Variants in GPC3 observed in about 807,000 individuals in gnomAD.
GPC3 encodes the protein glypican-3.
Under a neutral mutation model 34.4 loss-of-function variants are expected in GPC3, and 3 were observed. That is an observed-to-expected ratio of 0.09 (90% CI 0.04 to 0.23). The LOEUF (loss-of-function observed/expected upper bound fraction) is 0.23, where lower values mean the gene tolerates loss of function less well. Ranked by LOEUF, GPC3 falls within the 10% of genes least tolerant of loss-of-function variation. The pLI, the probability that GPC3 is intolerant of heterozygous loss-of-function variation, is 1.00. For synonymous variants in GPC3, 177 were observed against 174.0 expected (o/e 1.02, Z -0.13); for missense variants, 351 against 445.6 (o/e 0.79, Z 1.91).
intron 6 of GPC3, among the ~76,000 whole-genome samples, chrX:133,642,772 C>CAAAAAAAAAAAA (rs375514321): frequency 3.9e-5 from 1 of 25,635 alleles, no homozygotes; most frequent in Non-Finnish European, 1.0e-4. Flanking sequence ...AACTACGTCT[C>CAAAAAAAAAAAA]AAAAAAAAAA....
At position 133,819,298 on chromosome X, in the gene GPC3, G is replaced by C. The variant is rs367669519; in HGVS notation, c.338-65122C>G. On this transcript the variant is annotated intron_variant, in intron 2 of 7. Transcript: ENST00000370818. ...GCGTCAGGGGCTTCTCATTAAACTA[G>C]ACTCCCATTCTACTTGCATACTTCC... is the stretch of plus-strand genomic sequence containing the variant. 4.9e-4 allele frequency among the ~76,000 whole-genome samples: 52 copies of C among 106,337 alleles called. 1 individual carries two copies. The South Asian group carries it at 0.012, about 25-fold the overall frequency. 92.3% of individuals were successfully genotyped at this position (106,337 alleles called of 115,157 possible). A position where few individuals can be genotyped will look rare whatever the true frequency, so the allele number is the denominator to read the frequency against.
intron 7 of GPC3, among the ~76,000 whole-genome samples, chrX:133,542,977 AG>A (rs1361109404): frequency 8.9e-6 from 1 of 112,116 alleles, no homozygotes; most frequent in African/African-American, 3.2e-5. Context: ...TTAAAGCAGA[AG>A]AAAATGACTT....
intron 2 of GPC3, among the ~76,000 whole-genome samples, chrX:133,912,511 G>GTT (rs34078487): frequency 9.3e-5 from 9 of 96,533 alleles, no homozygotes; most frequent in Admixed American, 3.4e-4. Context: ...AAGGAATTGG[G>GTT]TTTTTTTTTT....
At chrX:133,856,285 C>T (rs1204240062) in intron 2 of GPC3, among the ~76,000 whole-genome samples, 1 of 111,262 alleles carries the variant, frequency 9.0e-6, no homozygotes, top group East Asian at 2.8e-4. Flanking sequence ...CACTTGTTAT[C>T]TCTTGTCTTT....
chrX:133,860,276 C>T, intron 2 of GPC3, among the ~76,000 whole-genome samples: 1 of 111,409 alleles, frequency 9.0e-6, no homozygotes, highest in African/African-American at 3.3e-5. Flanking sequence ...TTATTAGTAC[C>T]GTTTTTTTCC....
chrX:133,754,118 G>T lies in GPC3; in HGVS notation c.396C>A (p.Asn132Lys), dbSNP rs2124480866. ...AKNYTNAMFK[N>K]NYPSLTPQAF... ...CTTGTGGAGTCAGGCTTGGGTAGTT[G>T]TTCTTGAACATGGCATTGGTGTAGT... The change falls in exon 3 of 8, where the codon AAC (asparagine) becomes AAA (lysine). Residue 132 changes from asparagine to lysine, a missense_variant. Transcript: ENST00000370818. The T allele has an allele frequency of 8.3e-7, 1 of 1,205,896 alleles. No homozygotes were observed. Among genetic ancestry groups the T allele is most frequent in the Non-Finnish European group, 1.1e-6 (1 of 892,827 alleles).
chrX:133,654,324 C>T (rs2070630220), intron 6 of GPC3, among the ~76,000 whole-genome samples: 1 of 111,566 alleles, frequency 9.0e-6, no homozygotes, highest in South Asian at 3.7e-4. Flanking sequence ...TATTTGAATA[C>T]ACACACACAT....
At position 133,753,473 on chromosome X, in the gene GPC3, G is replaced by A. The variant is rs200782847; in HGVS notation, c.1032+9C>T. 787 of 1,181,505 alleles carry A rather than the reference G, an allele frequency of 6.7e-4. 3 individuals are homozygous for A. Among genetic ancestry groups the A allele is most frequent in the Admixed American group, 9.0e-4 (41 of 45,608 alleles). On this transcript the variant is annotated intron_variant, in intron 3 of 7. Transcript: ENST00000370818. ...CCAAATCCTCTGACAACTGTAGACTGGTACTCACAGTGGTGGTCAGCTTTC... is the reference window on the plus strand; with the variant it reads ...CCAAATCCTCTGACAACTGTAGACTAGTACTCACAGTGGTGGTCAGCTTTC...
At chrX:133,854,227 C>A (rs1242726361) in intron 2 of GPC3, among the ~76,000 whole-genome samples, 2 of 111,465 alleles carry the variant, frequency 1.8e-5, no homozygotes, top group East Asian at 5.6e-4. Flanking sequence ...ATGGAAAGAT[C>A]TGTTTCTTCA....
intron 6 of GPC3, among the ~76,000 whole-genome samples, chrX:133,629,781 G>A (rs1393020411): frequency 3.6e-5 from 4 of 110,338 alleles, no homozygotes; most frequent in Non-Finnish European, 3.8e-5. Flanking sequence ...TTGGCCGGGC[G>A]CAGTGGCTCA....
rs749199727 is a variant in GPC3 at position 133,969,055 on chromosome X, G to A, written c.176-15844C>T. ...CTAATATATTTTTAAGTGTGTTTTTGCAACTGTGAGGAGACCAAGGCTCTA... is the reference window on the plus strand; with the variant it reads ...CTAATATATTTTTAAGTGTGTTTTTACAACTGTGAGGAGACCAAGGCTCTA... On this transcript the variant is annotated intron_variant, in intron 1 of 7. Coordinates refer to ENST00000370818, the MANE Select transcript of GPC3 (RefSeq NM_004484.4). 2.3e-4 allele frequency among the ~76,000 whole-genome samples: 25 copies of A among 109,891 alleles called. No individual in the cohort carries two copies. In the South Asian group the frequency reaches 9.8e-3, roughly 43 times the overall value.
At chrX:133,786,510 C>T (rs1354604315) in intron 2 of GPC3, among the ~76,000 whole-genome samples, 1 of 112,757 alleles carries the variant, frequency 8.9e-6, no homozygotes. Context: ...TCCGACCTGC[C>T]CCACAAGTGT....
At chrX:133,693,047 T>C (rs1254151425) in intron 4 of GPC3, among the ~76,000 whole-genome samples, 1 of 111,505 alleles carries the variant, frequency 9.0e-6, no homozygotes, top group Non-Finnish European at 1.9e-5. Flanking sequence ...GGTTTCTTTG[T>C]TATTTGTATA....
chrX:133,820,920 AACTG>A (rs1235965219), intron 2 of GPC3, among the ~76,000 whole-genome samples: 1 of 111,870 alleles, frequency 8.9e-6, no homozygotes, highest in East Asian at 2.8e-4. Flanking sequence ...TAGGATCTCA[AACTG>A]ACTGTGTTCA....
At chrX:133,656,947 G>A (rs1201392873) in intron 6 of GPC3, among the ~76,000 whole-genome samples, 3 of 111,824 alleles carry the variant, frequency 2.7e-5, no homozygotes, top group East Asian at 2.8e-4. Context: ...CTGACCTTGA[G>A]CCACAAATCA....
chrX:133,949,921 A>G (rs1185212745), intron 2 of GPC3, among the ~76,000 whole-genome samples: 2 of 112,339 alleles, frequency 1.8e-5, no homozygotes, highest in Admixed American at 9.5e-5. Context: ...GAGTTTCCTC[A>G]TCTGTAAAAT....
At chrX:133,834,897 A>C (rs1256609087) in intron 2 of GPC3, among the ~76,000 whole-genome samples, 1 of 111,963 alleles carries the variant, frequency 8.9e-6, no homozygotes, top group Non-Finnish European at 1.9e-5. Flanking sequence ...AAAAGAATAC[A>C]TATTTTTCTG....
intron 2 of GPC3, among the ~76,000 whole-genome samples, chrX:133,905,106 A>G: frequency 8.9e-6 from 1 of 112,118 alleles, no homozygotes; most frequent in Non-Finnish European, 1.9e-5. Flanking sequence ...TTATTCTTAA[A>G]ACCATTGTAT....
chrX:133,878,252 ACT>A (rs1397508404), intron 2 of GPC3, among the ~76,000 whole-genome samples: 1 of 110,669 alleles, frequency 9.0e-6, no homozygotes, highest in Non-Finnish European at 1.9e-5. Flanking sequence ...ACGTGGTGAA[ACT>A]CTGTCTCTAC....
Sources: gnomAD v4.1 joint callset for allele counts (sites outside exome capture counted in the v4.1 genomes callset) on GRCh38, gnomAD v4.1.1 for gene constraint, MANE v1.5 for transcripts, NCBI Gene and HGNC (gene_info 2026-07-23, HGNC 2026-07-21) for gene names.